PCDHGA5: variants seen among roughly 807,000 people sequenced by gnomAD.
The protein encoded by PCDHGA5 is protocadherin gamma-A5.
Under a neutral mutation model 56.7 loss-of-function variants are expected in PCDHGA5, and 36 were observed. The ratio of observed to expected loss-of-function variants is 0.64; its 90% confidence interval spans 0.49 to 0.84. The LOEUF (loss-of-function observed/expected upper bound fraction) is 0.84, where lower values mean the gene tolerates loss of function less well. Ranked by LOEUF, PCDHGA5 falls within the 40% of genes least tolerant of loss-of-function variation. The pLI is 0.00. For missense variants in PCDHGA5, 1,305 were observed against 1,201.5 expected (o/e 1.09, Z -1.27); for synonymous variants, 563 against 520.2 (o/e 1.08, Z -1.12).
At chr5:141,398,857 C>A in intron 1 of PCDHGA5, 2 of 1,613,918 alleles carry the variant, frequency 1.2e-6, no homozygotes, top group Middle Eastern at 1.6e-4. Flanking sequence ...GGTATTCAAC[C>A]GAGACGTGTA....
At chr5:141,404,647 T>C (rs764645495) in intron 1 of PCDHGA5, 20 of 1,614,190 alleles carry the variant, frequency 1.2e-5, no homozygotes, top group Admixed American at 1.7e-5. Context: ...TCCTGTACCC[T>C]GCCCTCCCCA....
chr5:141,489,238 G>A lies in PCDHGA5; in HGVS notation c.2422-5569G>A. On this transcript the variant is annotated intron_variant, in intron 1 of 3. Coordinates refer to ENST00000518069, the MANE Select transcript of PCDHGA5 (RefSeq NM_018918.3). The surrounding 1 kb of genome is among the most constrained non-coding windows in gnomAD (Gnocchi z 4.5). ...TTACTCTCCACAAAGGGACTTCTGG[G>A]TCATGGGGCCCAAGACACTCCCACA... 6.5e-7 allele frequency: 1 copy of A among 1,534,146 alleles called. No homozygotes were observed.
In PCDHGA5 at chr5:141,477,524, A is replaced by G. The variant is rs1302186932; in HGVS notation, c.2422-17283A>G. The stretch of plus-strand genomic sequence containing the variant: ...CTACGACGTTTACATTGAAGAAAAC[A>G]ACCTCCCCGGGGCTCCAATACTAAA... On this transcript the variant is annotated intron_variant, in intron 1 of 3. Coordinates refer to ENST00000518069, the MANE Select transcript of PCDHGA5 (RefSeq NM_018918.3). The surrounding 1 kb of genome is among the most constrained non-coding windows in gnomAD (Gnocchi z 4.9). The G allele has an allele frequency of 1.2e-6, 2 of 1,614,122 alleles. No individual in the cohort carries two copies. Among genetic ancestry groups the G allele is most frequent in the Non-Finnish European group, 1.7e-6 (2 of 1,180,022 alleles).
Position 141,493,435 on chromosome 5 carries a change from G to T in PCDHGA5, c.2422-1372G>T, listed in dbSNP as rs150678406. On this transcript the variant is annotated intron_variant, in intron 1 of 3. Coordinates refer to ENST00000518069, the MANE Select transcript of PCDHGA5 (RefSeq NM_018918.3). The surrounding 1 kb of genome is among the most constrained non-coding windows in gnomAD (Gnocchi z 4.3). ...TGGGATTTTGCTTCTGCTGGGATGG[G>T]GCAAGGGTGGGGTTCCTTCCCTTTT... Among the ~76,000 whole-genome samples the T allele has an allele frequency of 6.6e-5, 10 of 152,294 alleles. No individual in the cohort carries two copies. In the East Asian group the frequency reaches 1.7e-3, roughly 26 times the overall value.
intron 1 of PCDHGA5, chr5:141,383,890 G>T: frequency 1.2e-6 from 2 of 1,613,936 alleles, no homozygotes; most frequent in East Asian, 2.2e-5. Context: ...TCTGACAAAG[G>T]CAAAAGTACT....
intron 1 of PCDHGA5, among the ~76,000 whole-genome samples, chr5:141,435,953 G>A (rs2097789156): frequency 6.6e-6 from 1 of 151,984 alleles, no homozygotes; most frequent in Non-Finnish European, 1.5e-5. Context: ...CAAAAAAGGG[G>A]GCAAAATATA....
intron 1 of PCDHGA5, chr5:141,393,311 C>T: frequency 6.2e-7 from 1 of 1,613,484 alleles, no homozygotes; most frequent in Non-Finnish European, 8.5e-7. Context: ...GCGTGAACTC[C>T]CTCCAGAGCT....
At chr5:141,421,241 T>C in intron 1 of PCDHGA5, 1 of 1,600,982 alleles carries the variant, frequency 6.2e-7, no homozygotes, top group Non-Finnish European at 8.5e-7. Flanking sequence ...GCGAATCGGC[T>C]ACAGCGCGGG....
At position 141,485,257 on chromosome 5, in the gene PCDHGA5, T is replaced by G. The variant is rs1251686604; in HGVS notation, c.2422-9550T>G. 1.9e-6 allele frequency: 3 copies of G among 1,614,036 alleles called. No homozygotes were observed. The highest frequency in any genetic ancestry group is 2.5e-6 in the Non-Finnish European group (3 of 1,180,006). ...TCTTTTACCACCTGGGTTACGTTTG[T>G]GGGCAGATCCGCTACCCGGTCCCAG... On this transcript the variant is annotated intron_variant, in intron 1 of 3. Coordinates refer to ENST00000518069, the MANE Select transcript of PCDHGA5 (RefSeq NM_018918.3). The surrounding 1 kb of genome is among the most constrained non-coding windows in gnomAD (Gnocchi z 5.7).
intron 1 of PCDHGA5, among the ~76,000 whole-genome samples, chr5:141,444,152 ATTTTTTTTTTTT>A (rs747671382): frequency 5.9e-4 from 20 of 33,896 alleles, no homozygotes; most frequent in African/African-American, 1.8e-3. Flanking sequence ...TGTGTACTGG[ATTTTTTTTTTTT>A]TTTTTTTTTT....
intron 1 of PCDHGA5, chr5:141,419,128 A>T (rs1298102722): frequency 1.2e-6 from 2 of 1,613,768 alleles, no homozygotes; most frequent in East Asian, 2.2e-5. Flanking sequence ...TCACCATCGC[A>T]GCCACAGACA....
chr5:141,410,255 C>T (rs758117248), intron 1 of PCDHGA5: 26 of 1,614,030 alleles, frequency 1.6e-5, no homozygotes, highest in Non-Finnish European at 1.9e-5. Flanking sequence ...CTCTGACCCC[C>T]AGGCTGAACT....
chr5:141,367,022 A>G (rs1764910545), intron 1 of PCDHGA5: 1 of 407,704 alleles, frequency 2.5e-6, no homozygotes, highest in African/African-American at 2.1e-5. Flanking sequence ...ATTTTGTTAT[A>G]TTGGAACTGC....
chr5:141,488,186 G>T (rs1005725656), intron 1 of PCDHGA5, among the ~76,000 whole-genome samples: 2 of 152,180 alleles, frequency 1.3e-5, no homozygotes, highest in South Asian at 2.1e-4. Context: ...AGATCTTTTG[G>T]TCTGGGTCTT....
In PCDHGA5 at chr5:141,486,600, C is replaced by G. The variant is rs748395954; in HGVS notation, c.2422-8207C>G. Reference sequence around the variant, plus strand: ...AATCGCCCAGGGGACCTGCTTTGCTCCCTTGCAGCCTCTGACCCAGACTCT... The same window carrying G: ...AATCGCCCAGGGGACCTGCTTTGCTGCCTTGCAGCCTCTGACCCAGACTCT... On this transcript the variant is annotated intron_variant, in intron 1 of 3. Transcript: ENST00000518069. This position sits in a 1 kb window ranked among gnomAD's most constrained non-coding sequence, Gnocchi z 5.0. 21 of 1,613,602 alleles carry G rather than the reference C, an allele frequency of 1.3e-5. No individual in the cohort carries two copies. Among genetic ancestry groups the G allele is most frequent in the South Asian group, 2.2e-5 (2 of 91,086 alleles).
chr5:141,382,939 T>C (rs765145573), intron 1 of PCDHGA5: 3 of 1,594,910 alleles, frequency 1.9e-6, no homozygotes, highest in South Asian at 2.2e-5. Context: ...CAGAGGATTC[T>C]TCCTGCTCTC....
At position 141,432,759 on chromosome 5, in the gene PCDHGA5, G is replaced by T. The variant is rs768949018; in HGVS notation, c.2422-62048G>T. On this transcript the variant is annotated intron_variant, in intron 1 of 3. Transcript: ENST00000518069. The surrounding 1 kb of genome is among the most constrained non-coding windows in gnomAD (Gnocchi z 6.0). ...ACGCTCACCGTGGCCGTGGCCGACA[G>T]CATCCCCCAAGTCCTGGCGGACCTC... is the stretch of plus-strand genomic sequence containing the variant. The T allele has an allele frequency of 6.2e-6, 10 of 1,614,032 alleles. No homozygotes were observed. The highest frequency in any genetic ancestry group is 7.6e-6 in the Non-Finnish European group (9 of 1,180,014).
chr5:141,448,524 T>C (rs1177408162), intron 1 of PCDHGA5, among the ~76,000 whole-genome samples: 1 of 152,194 alleles, frequency 6.6e-6, no homozygotes, highest in Non-Finnish European at 1.5e-5. Context: ...TTATTAAGCA[T>C]CCTGTCAGCA....
rs760790964 is a variant in PCDHGA5, at chr5:141,374,159, G to T, written c.2421+7408G>T. The T allele has an allele frequency of 2.7e-5, 44 of 1,612,170 alleles. No homozygotes were observed. Among genetic ancestry groups the T allele is most frequent in the Non-Finnish European group, 3.4e-5 (40 of 1,179,004 alleles). ...CACGCTCCTGGGGACGCTGTGGGGG[G>T]CCGCGGCAGCGCAGATCCGCTACTC... On this transcript the variant is annotated intron_variant, in intron 1 of 3. Transcript: ENST00000518069.
Sources: allele counts gnomAD v4.1 joint callset (sites outside exome capture counted in the v4.1 genomes callset), GRCh38; gene constraint gnomAD v4.1.1; non-coding constraint Gnocchi (gnomAD v3.1); transcripts MANE v1.5; gene names NCBI Gene and HGNC (gene_info 2026-07-23, HGNC 2026-07-21).